Variants in CTIF observed in about 807,000 individuals in gnomAD.
CTIF encodes CBP80/20-dependent translation initiation factor.
CTIF carries 21 observed loss-of-function variants against 66.0 expected under a neutral mutation model. The ratio of observed to expected loss-of-function variants is 0.32; its 90% CI spans 0.23 to 0.46. The LOEUF (loss-of-function observed/expected upper bound fraction) is 0.46, where lower values mean the gene tolerates loss of function less well. Among genes scored for constraint, CTIF ranks in the 20% least tolerant of loss-of-function variants. The probability of loss-of-function intolerance (pLI) is 1.00; values close to 1 mark genes in which losing one functional copy is unlikely to be tolerated. For synonymous variants in CTIF, 345 were observed against 326.4 expected (o/e 1.06, Z -0.62); for missense variants, 739 against 812.7 (o/e 0.91, Z 1.10).
intron 7 of CTIF, among the ~76,000 whole-genome samples, chr18:48,716,803 C>T (rs1370222037): frequency 6.6e-6 from 1 of 152,186 alleles, no homozygotes; most frequent in Non-Finnish European, 1.5e-5. Flanking sequence ...CCTGTGCGGC[C>T]AGGGAGACAA....
At chr18:48,837,445 G>A (rs2068837837) in intron 10 of CTIF, among the ~76,000 whole-genome samples, 1 of 152,092 alleles carries the variant, frequency 6.6e-6, no homozygotes, top group Non-Finnish European at 1.5e-5. Context: ...GAGTGGCCTG[G>A]GAGCTGGGGA....
intron 1 of CTIF, among the ~76,000 whole-genome samples, chr18:48,563,484 G>GT (rs1485684072): frequency 6.6e-6 from 1 of 151,834 alleles, no homozygotes; most frequent in Non-Finnish European, 1.5e-5. Flanking sequence ...GTTTTGTTTT[G>GT]TTTTTTGGAC....
chr18:48,655,662 A>T (rs9952883), intron 3 of CTIF, among the ~76,000 whole-genome samples: 1 of 151,578 alleles, frequency 6.6e-6, no homozygotes, highest in Non-Finnish European at 1.5e-5. Flanking sequence ...GCACTGTATC[A>T]GGGGGTTTCC....
At chr18:48,677,937 A>C (rs368602391) in intron 6 of CTIF, among the ~76,000 whole-genome samples, 5 of 152,206 alleles carry the variant, frequency 3.3e-5, no homozygotes, top group Admixed American at 2.0e-4. Context: ...AAGTCTCACA[A>C]ATACCCTGGG....
At chr18:48,665,839 T>A (rs1453070749) in intron 5 of CTIF, among the ~76,000 whole-genome samples, 1 of 152,252 alleles carries the variant, frequency 6.6e-6, no homozygotes, top group Non-Finnish European at 1.5e-5. Flanking sequence ...TAGTCCATTG[T>A]ATGGATATAC....
intron 7 of CTIF, among the ~76,000 whole-genome samples, chr18:48,742,759 G>T (rs1278337619): frequency 6.6e-6 from 1 of 152,196 alleles, no homozygotes; most frequent in African/African-American, 2.4e-5. Context: ...AAGTAACTGG[G>T]TCCAGAGTCT....
intron 7 of CTIF, among the ~76,000 whole-genome samples, chr18:48,749,371 T>C (rs1015792634): frequency 1.3e-5 from 2 of 152,110 alleles, no homozygotes; most frequent in African/African-American, 4.8e-5. Flanking sequence ...GGGATGATGG[T>C]AGTGAATGTT....
At chr18:48,630,675 T>A (rs916711681) in intron 2 of CTIF, among the ~76,000 whole-genome samples, 12 of 139,324 alleles carry the variant, frequency 8.6e-5, no homozygotes, top group South Asian at 2.2e-4. Flanking sequence ...TTTTTTTTTT[T>A]AATTAATTTA....
At chr18:48,599,279 G>T (rs570637377) in intron 1 of CTIF, among the ~76,000 whole-genome samples, 1 of 151,874 alleles carries the variant, frequency 6.6e-6, no homozygotes, top group South Asian at 2.1e-4. Context: ...CAGAACCAGT[G>T]TTCTAGCCAG....
At chr18:48,812,378 G>C (rs796444356) in intron 9 of CTIF, among the ~76,000 whole-genome samples, 1 of 152,130 alleles carries the variant, frequency 6.6e-6, no homozygotes, top group South Asian at 2.1e-4. Flanking sequence ...TCACTCATAG[G>C]CAGGTTTGTT....
chr18:48,613,677 G>A (rs184246112), intron 1 of CTIF, among the ~76,000 whole-genome samples: 87 of 152,348 alleles, frequency 5.7e-4, no homozygotes, highest in African/African-American at 2.0e-3. Context: ...GGATGAGGTT[G>A]TTTAACAGAG....
intron 9 of CTIF, among the ~76,000 whole-genome samples, chr18:48,763,401 T>C (rs1474819648): frequency 6.6e-6 from 1 of 152,192 alleles, no homozygotes; most frequent in East Asian, 1.9e-4. Flanking sequence ...CCATCAATCC[T>C]GGGGAACAGT....
intron 1 of CTIF, among the ~76,000 whole-genome samples, chr18:48,568,646 A>AAAAAAAAAAAAAAAAAAAAAAAG (rs2089336866): frequency 7.3e-6 from 1 of 136,076 alleles, no homozygotes. Context: ...AAAAAAAAAA[A>AAAAAAAAAAAAAAAAAAAAAAAG]AAAAAAAAAA....
chr18:48,842,979 A>G (rs1239013815), intron 10 of CTIF, among the ~76,000 whole-genome samples: 1 of 152,106 alleles, frequency 6.6e-6, no homozygotes, highest in Non-Finnish European at 1.5e-5. Flanking sequence ...TGGCAGCCTG[A>G]GCCCCCTGCC....
At chr18:48,727,070 GCACACACACACACACACA>G (rs35188197) in intron 7 of CTIF, among the ~76,000 whole-genome samples, 6 of 144,488 alleles carry the variant, frequency 4.2e-5, no homozygotes, top group South Asian at 2.2e-4. Context: ...CAAGTTAGCT[GCACACACACACACACACA>G]CACACACACA....
chr18:48,559,318 AAT>A (rs1375012699), intron 1 of CTIF, among the ~76,000 whole-genome samples: 2 of 152,098 alleles, frequency 1.3e-5, no homozygotes, highest in African/African-American at 4.8e-5. Context: ...CTCGTTTATT[AAT>A]ATGATAGAAT....
chr18:48,802,069 C>G (rs1599073816), intron 9 of CTIF, among the ~76,000 whole-genome samples: 1 of 152,230 alleles, frequency 6.6e-6, no homozygotes, highest in African/African-American at 2.4e-5. Context: ...AGGTCTCTTT[C>G]ATTTTATAGA....
intron 6 of CTIF, among the ~76,000 whole-genome samples, chr18:48,711,263 C>G (rs1392562625): frequency 6.6e-6 from 1 of 152,232 alleles, no homozygotes; most frequent in East Asian, 1.9e-4. Context: ...CAGTGAGCTG[C>G]AGAACCTGGC....
chr18:48,696,916 C>T (rs1011838290), intron 6 of CTIF, among the ~76,000 whole-genome samples: 4 of 152,212 alleles, frequency 2.6e-5, no homozygotes, highest in Non-Finnish European at 4.4e-5. Context: ...CCTTTGTCCT[C>T]GGAGAGCTTA....
Sources: allele counts gnomAD v4.1 joint callset (sites outside exome capture counted in the v4.1 genomes callset), GRCh38; gene constraint gnomAD v4.1.1; transcripts MANE v1.5; gene names NCBI Gene and HGNC (gene_info 2026-07-23, HGNC 2026-07-21).